The following MRPL39 variants were observed in gnomAD, a reference collection of about 807,000 sequenced individuals.
MRPL39 encodes large ribosomal subunit protein mL39.
A neutral mutation model predicts 44.5 loss-of-function variants in MRPL39; 35 were observed. That is an observed-to-expected ratio of 0.79 (90% CI 0.60 to 1.04). The LOEUF is 1.04. Among genes scored for constraint, MRPL39 ranks in the 50% least tolerant of loss-of-function variants. The pLI, the probability that MRPL39 is intolerant of heterozygous loss-of-function variation, is 0.00. For missense variants in MRPL39, 433 were observed against 413.5 expected (o/e 1.05, Z -0.41); for synonymous variants, 139 against 136.1 (o/e 1.02, Z -0.15).
chr21:25,607,320 T>C, intron 1 of MRPL39, 83 bp downstream of exon 1: 2 of 1,502,984 alleles, frequency 1.3e-6, no homozygotes. Flanking sequence ...CCGCGGGACC[T>C]CCCCGGCCCC....
chr21:25,602,760 A>G (rs2031558334), intron 3 of MRPL39, among the ~76,000 whole-genome samples: 1 of 152,258 alleles, frequency 6.6e-6, no homozygotes, highest in Non-Finnish European at 1.5e-5. Flanking sequence ...ATTGTAAAAG[A>G]TAAATAGGAT....
At chr21:25,587,700 C>T (rs778444734) in intron 9 of MRPL39, 1 of 1,591,088 alleles carries the variant, frequency 6.3e-7, no homozygotes, top group South Asian at 1.1e-5. Flanking sequence ...TTAGAGATTA[C>T]TCTGAGACTG....
At chr21:25,591,333 C>CA (rs2123229043) in intron 8 of MRPL39, among the ~76,000 whole-genome samples, 1 of 152,100 alleles carries the variant, frequency 6.6e-6, no homozygotes, top group African/African-American at 2.4e-5. Flanking sequence ...AACTTCTCTG[C>CA]AAAAGGCTGC....
chr21:25,593,896 T>C lies in MRPL39; in HGVS notation c.764A>G (p.His255Arg). 1 of 1,613,274 alleles carries C rather than the reference T, an allele frequency of 6.2e-7. No individual in the cohort carries two copies. The highest frequency in any genetic ancestry group is 8.5e-7 in the Non-Finnish European group (1 of 1,179,496). The part of the protein sequence containing the change: ...SQNPERIVKL[H>R]RIGDFIDVSE... The stretch of plus-strand genomic sequence containing the variant: ...CAGTTTTTAGACTTTTACTTACCTG[T>C]GTAGCTTGACTATTCTCTCAGGGTT... Residue 255 changes from histidine (H) to arginine (R), a missense_variant, in exon 7 of 10, where the codon CAC becomes CGC. His to Arg is a conservative substitution (Grantham distance 29). Transcript: ENST00000352957.
Position 25,599,832 on chromosome 21 carries a change from C to A in MRPL39, c.555G>T (p.Leu185Phe), listed in dbSNP as rs73159712. Residue 185 changes from leucine to phenylalanine, a missense_variant, in exon 5 of 10, where the codon TTG becomes TTT. Leu to Phe is a conservative substitution (Grantham distance 22, BLOSUM62 0). Coordinates refer to ENST00000352957, the MANE Select transcript of MRPL39 (RefSeq NM_017446.4). ...ISGAFCYDVV[L>F]DSKLDEWMPT... ...GCATCCACTCATCAAGTTTGCTATC[C>A]AAAACTACGTCATAACAGAAGGCAC... The A allele has an allele frequency of 4.5e-4, 725 of 1,613,684 alleles. 1 individual carries two copies. The highest frequency in any genetic ancestry group is 7.0e-4 in the South Asian group (64 of 91,076).
intron 9 of MRPL39, among the ~76,000 whole-genome samples, chr21:25,588,172 C>T (rs890116783): frequency 2.6e-5 from 4 of 151,966 alleles, no homozygotes; most frequent in African/African-American, 4.8e-5. Flanking sequence ...ATTAGTTGGA[C>T]GTAGTGGTGG....
chr21:25,598,450 A>AGAG (rs1159226010), intron 5 of MRPL39, among the ~76,000 whole-genome samples: 1 of 66,980 alleles, frequency 1.5e-5, no homozygotes, highest in Admixed American at 1.4e-4. Flanking sequence ...AAAAAAAAAA[A>AGAG]AAAGAGAGAG....
chr21:25,602,262 G>A (rs1568865745), intron 3 of MRPL39, among the ~76,000 whole-genome samples: 1 of 152,198 alleles, frequency 6.6e-6, no homozygotes, highest in Non-Finnish European at 1.5e-5. Flanking sequence ...GTCTCTAAAT[G>A]TCTGTTGAAC....
At position 25,592,935 on chromosome 21, in the gene MRPL39, G is replaced by C. The variant is rs1251120721; in HGVS notation, c.798C>G (p.Gly266=). ...RIGDFIDVSE[G]PLIPRTSICF... ...AAATACTTGTTCTTGGAATAAGAGG[G>C]CCCTCACTCACATCAATGAAGTCAC... The change falls in exon 8 of 10, where the codon GGC becomes GGG. Residue 266 remains glycine, a synonymous_variant. Coordinates refer to ENST00000352957, the MANE Select transcript of MRPL39 (RefSeq NM_017446.4). The C allele has an allele frequency of 6.2e-7, 1 of 1,612,704 alleles. No homozygotes were observed.
At chr21:25,607,521 C>G (rs756992224), upstream of MRPL39, 3 of 1,589,968 alleles carry the variant, frequency 1.9e-6, no homozygotes, top group African/African-American at 1.3e-5. Context: ...CCGCCCTCCT[C>G]CCCCGGAAAC....
chr21:25,594,120 T>C (rs991655227), intron 6 of MRPL39, among the ~76,000 whole-genome samples, 162 bp from the exon 7 acceptor site: 76 of 152,204 alleles, frequency 5.0e-4, no homozygotes, highest in African/African-American at 1.8e-3. Context: ...TCTGCCAAAC[T>C]GTTCTCAACA....
At chr21:25,602,173 T>C (rs1015534626) in intron 3 of MRPL39, among the ~76,000 whole-genome samples, 3 of 152,232 alleles carry the variant, frequency 2.0e-5, no homozygotes, top group Non-Finnish European at 2.9e-5. Context: ...AATGCAACCA[T>C]ATTACACTAA....
chr21:25,597,263 G>A, intron 6 of MRPL39, 39 bp downstream of exon 6: 2 of 1,291,332 alleles, frequency 1.5e-6, no homozygotes, highest in South Asian at 1.3e-5. Context: ...ATATAATACT[G>A]GGAGAGTTAG....
intron 3 of MRPL39, 75 bp downstream of exon 3, chr21:25,603,721 C>A (rs186802528): frequency 7.0e-6 from 10 of 1,420,798 alleles, no homozygotes; most frequent in East Asian, 2.3e-5. Context: ...TTACATTACA[C>A]CCCATAGAAA....
chr21:25,603,273 G>A (rs1481058247), intron 3 of MRPL39, among the ~76,000 whole-genome samples: 1 of 152,134 alleles, frequency 6.6e-6, no homozygotes, highest in Admixed American at 6.5e-5. Context: ...GGAAAGGCAG[G>A]CTGGGAACAG....
rs142267568 is a variant in MRPL39 at position 25,593,018 on chromosome 21, G to C, written c.768-53C>G. 23 of 1,459,236 alleles carry C rather than the reference G, an allele frequency of 1.6e-5. No homozygotes were observed. The East Asian group carries it at 4.9e-4, about 31-fold the overall frequency. The allele number at this position is 1,459,236 out of a possible 1,614,324, so 90.4% of individuals were successfully genotyped here. On this transcript the variant is annotated intron_variant, in intron 7 of 9. Transcript: ENST00000352957. ...AACTGCAACATCAAATAATTTGTAA[G>C]AGCTTGAAAAAGAAATCTCTTCCTT...
intron 4 of MRPL39, among the ~76,000 whole-genome samples, chr21:25,600,146 A>T (rs1406917583): frequency 6.6e-6 from 1 of 152,214 alleles, no homozygotes; most frequent in East Asian, 1.9e-4. Context: ...ACCAGATGTA[A>T]AAATTCTGGG....
rs1369935675 is a variant in MRPL39, at chr21:25,602,423, A to G, written c.421-956T>C. On this transcript the variant is annotated intron_variant, in intron 3 of 9. Coordinates refer to ENST00000352957, the MANE Select transcript of MRPL39 (RefSeq NM_017446.4). The stretch of plus-strand genomic sequence containing the variant: ...CTCACAGAGTTTGTATGAAGGTTAA[A>G]TGAGTTAATATCTGTAAATCACCTA... 2.0e-5 allele frequency among the ~76,000 whole-genome samples: 3 copies of G among 152,348 alleles called. No individual in the cohort carries two copies. In the East Asian group the frequency reaches 5.8e-4, roughly 29 times the overall value.
At chr21:25,593,698 C>A (rs1394510876) in intron 7 of MRPL39, among the ~76,000 whole-genome samples, 195 bp downstream of exon 7, 1 of 152,112 alleles carries the variant, frequency 6.6e-6, no homozygotes, top group Non-Finnish European at 1.5e-5. Context: ...ATTATAGAAA[C>A]CACAAGTGTT....
Sources: allele counts gnomAD v4.1 joint callset (sites outside exome capture counted in the v4.1 genomes callset), GRCh38; gene constraint gnomAD v4.1.1; transcripts MANE v1.5; gene names NCBI Gene and HGNC (gene_info 2026-07-23, HGNC 2026-07-21).